Variants in NBEA observed in about 807,000 individuals in gnomAD.
The protein encoded by NBEA is neurobeachin.
NBEA carries 44 observed loss-of-function variants against 343.4 expected under a neutral mutation model. The ratio of observed to expected loss-of-function variants is 0.13; its 90% CI spans 0.10 to 0.16. NBEA has a LOEUF of 0.16. NBEA is among the 10% of genes least tolerant of loss of function. The probability of loss-of-function intolerance (pLI) is 1.00; values close to 1 mark genes in which losing one functional copy is unlikely to be tolerated. For synonymous variants in NBEA, 1,175 were observed against 1,238.7 expected (o/e 0.95, Z 1.08); for missense variants, 2,555 against 3,631.3 (o/e 0.70, Z 7.62).
At chr13:35,591,256 A>T (rs1299494501) in intron 46 of NBEA, among the ~76,000 whole-genome samples, 1 of 152,072 alleles carries the variant, frequency 6.6e-6, no homozygotes, top group Non-Finnish European at 1.5e-5. Flanking sequence ...ATTCAAACTT[A>T]AATCTGTCAT....
chr13:35,348,526 A>G (rs1486659873), intron 36 of NBEA, among the ~76,000 whole-genome samples: 1 of 152,030 alleles, frequency 6.6e-6, no homozygotes, highest in African/African-American at 2.4e-5. Flanking sequence ...AGTCAGCTAT[A>G]TGGTTGAACT....
chr13:35,482,185 C>T (rs1237434498), intron 41 of NBEA, among the ~76,000 whole-genome samples: 1 of 150,862 alleles, frequency 6.6e-6, no homozygotes, highest in Non-Finnish European at 1.5e-5. Context: ...TGATTAGTAA[C>T]TGGAGTAATA....
chr13:35,424,276 G>A (rs558288534), intron 38 of NBEA, among the ~76,000 whole-genome samples: 1 of 152,246 alleles, frequency 6.6e-6, no homozygotes, highest in East Asian at 1.9e-4. Context: ...GTATGATATT[G>A]GCTGTGGGTT....
chr13:35,087,636 G>T (rs562911913), intron 10 of NBEA, among the ~76,000 whole-genome samples: 1 of 151,898 alleles, frequency 6.6e-6, no homozygotes, highest in East Asian at 1.9e-4. Context: ...GTAAAATCAT[G>T]AACAGCTTCA....
chr13:35,129,743 C>T (rs1999173), intron 17 of NBEA, among the ~76,000 whole-genome samples: 5,118 of 152,102 alleles, frequency 0.034, 177 homozygotes, highest in East Asian at 0.15. Context: ...GATGAAAGAC[C>T]TGATTTCTCA....
In NBEA at chr13:35,232,631, C is replaced by CG; in HGVS notation, c.5776+12_5776+13insG. On this transcript the variant is annotated intron_variant, in intron 34 of 58. Transcript: ENST00000379939. ...GCTATTGATAGAAGGTATGATTTCT[C>CG]TATTATAATTATTTTAGTTTCCTAT... 1 of 1,461,054 alleles carries CG rather than the reference C, an allele frequency of 6.8e-7. No homozygotes were observed. Among genetic ancestry groups the CG allele is most frequent in the Non-Finnish European group, 9.2e-7 (1 of 1,092,258 alleles). 90.5% of individuals were successfully genotyped at this position (1,461,054 alleles called of 1,614,324 possible). A position where few individuals can be genotyped will look rare whatever the true frequency, so the allele number is the denominator to read the frequency against.
chr13:35,120,111 C>T (rs2066713178), intron 16 of NBEA, among the ~76,000 whole-genome samples: 1 of 152,172 alleles, frequency 6.6e-6, no homozygotes, highest in East Asian at 1.9e-4. Flanking sequence ...AAGATATCCA[C>T]ATTACTCTTG....
chr13:35,161,060 C>T (rs192307875), intron 22 of NBEA, among the ~76,000 whole-genome samples: 121 of 152,118 alleles, frequency 8.0e-4, no homozygotes, highest in African/African-American at 2.7e-3. Context: ...TTTATTTTTT[C>T]TCTAACTGCC....
At position 35,190,908 on chromosome 13, in the gene NBEA, G is replaced by A. The variant is rs116892605; in HGVS notation, c.4928-4956G>A. Among the ~76,000 whole-genome samples, 294 of 152,130 alleles carry A rather than the reference G, an allele frequency of 1.9e-3. 1 individual carries two copies. Among genetic ancestry groups the A allele is most frequent in the Non-Finnish European group, 2.6e-3 (180 of 68,008 alleles). ...TCTAAAGAACTAAAGGTATAAGAGCGATATCTCACCAAAAGGAGGATACCA... is the reference window on the plus strand; with the variant it reads ...TCTAAAGAACTAAAGGTATAAGAGCAATATCTCACCAAAAGGAGGATACCA... On this transcript the variant is annotated intron_variant, in intron 30 of 58. Coordinates refer to ENST00000379939, the MANE Select transcript of NBEA (RefSeq NM_001385012.1).
At chr13:35,031,957 A>G (rs2062238428) in intron 1 of NBEA, among the ~76,000 whole-genome samples, 1 of 151,718 alleles carries the variant, frequency 6.6e-6, no homozygotes, top group Non-Finnish European at 1.5e-5. Context: ...AGCTCCATCC[A>G]TATCCCCATA....
At position 35,153,699 on chromosome 13, in the gene NBEA, A is replaced by G. The variant is rs2068951403; in HGVS notation, c.2446-2075A>G. On this transcript the variant is annotated intron_variant, in intron 18 of 58. Transcript: ENST00000379939. Reference sequence around the variant, plus strand: ...TAAAGTAGGGACTTAAAAAGACAATATAAAAACTGGTGACACTTTTGTTTC... The same window carrying G: ...TAAAGTAGGGACTTAAAAAGACAATGTAAAAACTGGTGACACTTTTGTTTC... 4.6e-5 allele frequency among the ~76,000 whole-genome samples: 7 copies of G among 152,342 alleles called. No individual in the cohort carries two copies. The South Asian group carries it at 1.4e-3, about 32-fold the overall frequency.
At chr13:35,254,324 CTTTTTTTTTTT>C (rs377465927) in intron 34 of NBEA, among the ~76,000 whole-genome samples, 1 of 132,808 alleles carries the variant, frequency 7.5e-6, no homozygotes, top group African/African-American at 2.8e-5. Context: ...TTATTTTTTA[CTTTTTTTTTTT>C]TTTTTTTGAG....
chr13:35,000,650 G>A (rs779408098), intron 1 of NBEA, among the ~76,000 whole-genome samples: 32 of 151,494 alleles, frequency 2.1e-4, no homozygotes, highest in African/African-American at 6.0e-4. Flanking sequence ...GATACTGATC[G>A]AGCAAGCATT....
chr13:35,158,971 T>C (rs1231880641), intron 21 of NBEA, 45 bp from the exon 22 acceptor site: 41 of 1,441,608 alleles, frequency 2.8e-5, no homozygotes, highest in Non-Finnish European at 3.7e-5. Flanking sequence ...TTTTTCTTTT[T>C]GATATGTACA....
intron 36 of NBEA, among the ~76,000 whole-genome samples, chr13:35,334,051 G>A (rs2039093268): frequency 6.6e-6 from 1 of 151,916 alleles, no homozygotes; most frequent in Admixed American, 6.6e-5. Flanking sequence ...TTTCATTGGA[G>A]TATATACCCA....
At chr13:35,539,712 C>A (rs868000857) in intron 41 of NBEA, among the ~76,000 whole-genome samples, 2 of 150,722 alleles carry the variant, frequency 1.3e-5, no homozygotes, top group African/African-American at 4.9e-5. Flanking sequence ...GTCAGGAGAT[C>A]GAGACCATCC....
intron 1 of NBEA, among the ~76,000 whole-genome samples, chr13:34,998,514 T>C (rs2061013684): frequency 6.6e-6 from 1 of 152,180 alleles, no homozygotes; most frequent in Non-Finnish European, 1.5e-5. Context: ...AAGAGACAGC[T>C]GCCCCCAAAG....
At chr13:35,275,602 T>G (rs1214715111) in intron 34 of NBEA, among the ~76,000 whole-genome samples, 1 of 151,962 alleles carries the variant, frequency 6.6e-6, no homozygotes, top group African/African-American at 2.4e-5. Context: ...TGCAATCTAC[T>G]CATCTGACAA....
chr13:35,098,696 A>C (rs374871709), intron 11 of NBEA, among the ~76,000 whole-genome samples: 1 of 151,980 alleles, frequency 6.6e-6, no homozygotes, highest in South Asian at 2.1e-4. Context: ...CTTTATTTCT[A>C]CTCTCACTTT....
Sources: allele counts gnomAD v4.1 joint callset (sites outside exome capture counted in the v4.1 genomes callset), GRCh38; gene constraint gnomAD v4.1.1; transcripts MANE v1.5; gene names NCBI Gene and HGNC (gene_info 2026-07-23, HGNC 2026-07-21).